Variants in ATM observed in about 807,000 individuals in gnomAD.
The protein encoded by ATM is serine-protein kinase ATM.
A neutral mutation model predicts 387.0 loss-of-function variants in ATM; 308 were observed. The ratio of observed to expected loss-of-function variants is 0.80; its 90% CI spans 0.73 to 0.87. ATM has a LOEUF of 0.87. Among genes scored for constraint, ATM ranks in the 40% least tolerant of loss-of-function variants. The pLI is 0.00. For missense variants in ATM, 3,312 were observed against 3,560.9 expected, an observed-to-expected ratio of 0.93 and a Z score of 1.78; for synonymous variants, 1,156 against 1,187.3, an observed-to-expected ratio of 0.97 and a Z score of 0.54.
intron 33 of ATM, among the ~76,000 whole-genome samples, chr11:108,298,538 G>C (rs2083243064): frequency 6.6e-6 from 1 of 152,154 alleles, no homozygotes; most frequent in Admixed American, 6.6e-5. Context: ...TTTATGGACA[G>C]ACCTGATTTA....
At chr11:108,362,106 AAAAC>A (rs1301303762) in intron 61 of ATM, among the ~76,000 whole-genome samples, 74 of 138,954 alleles carry the variant, frequency 5.3e-4, no homozygotes, top group African/African-American at 1.4e-3. Flanking sequence ...TTACAAGAAA[AAAAC>A]AAACAACCCC....
rs573738032 is a variant in ATM, at chr11:108,260,718, A to G, written c.2466+1643A>G. On this transcript the variant is annotated intron_variant, in intron 16 of 62. Transcript: ENST00000675843. ...GAAGACGGGTGATTTCTGCATTTCCATCTGAGGTACCGGGTTCATCTCACT... is the reference window on the plus strand; with the variant it reads ...GAAGACGGGTGATTTCTGCATTTCCGTCTGAGGTACCGGGTTCATCTCACT... 3.9e-5 allele frequency among the ~76,000 whole-genome samples: 6 copies of G among 152,240 alleles called. No individual in the cohort carries two copies. In the East Asian group the frequency reaches 9.7e-4, roughly 25 times the overall value.
rs936209033 is a variant in ATM at position 108,247,773 on chromosome 11, T to A, written c.1065+646T>A. ...ACCACGCCCAGCTAATTTTTGTTTT[T>A]TTAGTAGAGACTGGGTTTCACCATA... On this transcript the variant is annotated intron_variant, in intron 8 of 62. Coordinates refer to ENST00000675843, the MANE Select transcript of ATM (RefSeq NM_000051.4). Among the ~76,000 whole-genome samples, 7 of 152,040 alleles carry A rather than the reference T, an allele frequency of 4.6e-5. 1 individual carries two copies. The highest frequency in any genetic ancestry group is 1.7e-4 in the African/African-American group (7 of 41,356).
At chr11:108,277,001 A>G (rs2081983270) in intron 22 of ATM, among the ~76,000 whole-genome samples, 1 of 151,948 alleles carries the variant, frequency 6.6e-6, no homozygotes, top group Non-Finnish European at 1.5e-5. Context: ...TGTCAGGGAG[A>G]TGGGAATTTT....
intron 57 of ATM, among the ~76,000 whole-genome samples, chr11:108,345,378 TTC>T (rs765302464): frequency 9.2e-5 from 14 of 152,222 alleles, no homozygotes; most frequent in Non-Finnish European, 2.1e-4. Context: ...CTTCTGTTCT[TTC>T]TCTTTTCCTG....
At chr11:108,332,961 ATTAG>A in intron 53 of ATM, 61 bp downstream of exon 53, 1 of 1,564,442 alleles carries the variant, frequency 6.4e-7, no homozygotes, top group East Asian at 2.3e-5. Context: ...GTAGAGATAT[ATTAG>A]TTATAGAGCC....
chr11:108,284,148 C>A, intron 25 of ATM, 79 bp from the exon 26 acceptor site: 1 of 1,120,382 alleles, frequency 8.9e-7, no homozygotes, highest in Non-Finnish European at 1.3e-6. Context: ...GGTATTAAAA[C>A]AGTTTTTAAG....
chr11:108,362,700 CA>C (rs1314546833), intron 61 of ATM, among the ~76,000 whole-genome samples: 1 of 142,958 alleles, frequency 7.0e-6, no homozygotes, highest in Non-Finnish European at 1.5e-5. Context: ...ATCGCAAGAA[CA>C]AAAAACCAAA....
At chr11:108,343,973 A>G (rs917297895) in intron 57 of ATM, among the ~76,000 whole-genome samples, 4 of 152,178 alleles carry the variant, frequency 2.6e-5, no homozygotes, top group East Asian at 1.9e-4. Context: ...AGACTTCACA[A>G]ATATCAAATA....
chr11:108,274,174 T>TTC (rs1166109825), intron 22 of ATM, among the ~76,000 whole-genome samples: 3 of 152,226 alleles, frequency 2.0e-5, no homozygotes, highest in South Asian at 2.1e-4. Context: ...ATTTATAGTA[T>TTC]TCTCTGATGG....
At chr11:108,303,161 A>G (rs2135933257) in intron 36 of ATM, 132 bp downstream of exon 36, 2 of 966,300 alleles carry the variant, frequency 2.1e-6, no homozygotes, top group South Asian at 1.7e-5. Context: ...TAAAGTGAGC[A>G]TCCGTATTTA....
chr11:108,304,778 A>G lies in ATM; in HGVS notation c.5600A>G (p.Gln1867Arg), dbSNP rs1555107457. 3 of 1,613,944 alleles carry G rather than the reference A, an allele frequency of 1.9e-6. No homozygotes were observed. The highest frequency in any genetic ancestry group is 1.1e-5 in the South Asian group (1 of 91,090). ...SWRNLLSTHV[Q>R]GFFTSCLRHF... is the part of the protein sequence containing the mutation. The stretch of plus-strand genomic sequence containing the variant: ...AGAAATCTGCTTTCTACACATGTTC[A>G]GGGATTTTTCACCAGCTGTCTTCGA... Residue 1867 changes from glutamine (Q) to arginine (R), a missense_variant, in exon 37 of 63, where the codon CAG becomes CGG. By Grantham distance (43) the Gln-to-Arg change is conservative. This residue lies in a region of ATM where 1,405 missense variants were observed against 1,604.4 expected (regional missense o/e 0.88). Transcript: ENST00000675843.
chr11:108,238,174 G>A (rs1275719841), intron 5 of ATM, among the ~76,000 whole-genome samples: 1 of 152,060 alleles, frequency 6.6e-6, no homozygotes, highest in African/African-American at 2.4e-5. Context: ...TGATCCACCT[G>A]CCTCAGCCTC....
In ATM at chr11:108,272,895, T is replaced by A. The variant is rs754330960; in HGVS notation, c.3284+43T>A. The stretch of plus-strand genomic sequence containing the variant: ...CATGAAGTATTTGGAATGCTGCAGA[T>A]GGCAGTAGAATGTCTTACATAGTAA... On this transcript the variant is annotated intron_variant, in intron 22 of 62. Transcript: ENST00000675843. The A allele has an allele frequency of 5.6e-6, 9 of 1,612,732 alleles. No homozygotes were observed. The Admixed American group carries it at 1.5e-4, about 27-fold the overall frequency.
rs538706273 is a variant in ATM, at chr11:108,329,771, G to T, written c.7308-443G>T. Reference sequence around the variant, plus strand: ...ATGTAAGATATTGACGTGTTCTTTTGTGAATAATTCATGCTCTGCTTCTAA... The same window carrying T: ...ATGTAAGATATTGACGTGTTCTTTTTTGAATAATTCATGCTCTGCTTCTAA... On this transcript the variant is annotated intron_variant, in intron 49 of 62. Transcript: ENST00000675843. Among the ~76,000 whole-genome samples, 6 of 152,272 alleles carry T rather than the reference G, an allele frequency of 3.9e-5. No homozygotes were observed. In the East Asian group the frequency reaches 1.2e-3, roughly 29 times the overall value.
intron 38 of ATM, 40 bp from the exon 39 acceptor site, chr11:108,310,119 GT>G (rs2084016074): frequency 6.3e-7 from 1 of 1,590,092 alleles, no homozygotes; most frequent in African/African-American, 1.3e-5. Context: ...TGATATTGAA[GT>G]TTAAAAAAGT....
At chr11:108,324,578 G>C (rs956982764) in intron 45 of ATM, among the ~76,000 whole-genome samples, 2 of 152,088 alleles carry the variant, frequency 1.3e-5, no homozygotes, top group Admixed American at 6.5e-5. Context: ...AGGAATTGAA[G>C]TTTTGGTTCC....
chr11:108,272,236 G>T (rs1022442115), intron 20 of ATM, among the ~76,000 whole-genome samples: 2 of 152,118 alleles, frequency 1.3e-5, no homozygotes, highest in South Asian at 2.1e-4. Context: ...ACCAAACAAA[G>T]AAATTTCTTT....
At chr11:108,339,216 A>C (rs1474552425) in intron 56 of ATM, among the ~76,000 whole-genome samples, 1 of 152,222 alleles carries the variant, frequency 6.6e-6, no homozygotes, top group Non-Finnish European at 1.5e-5. Context: ...TACAAAGTAT[A>C]CTGAACAAGT....
Sources: gnomAD v4.1 joint callset for allele counts (sites outside exome capture counted in the v4.1 genomes callset) on GRCh38, gnomAD v4.1.1 for gene constraint, gnomAD v4.1.1 regional missense constraint, MANE v1.5 for transcripts, NCBI Gene and HGNC (gene_info 2026-07-23, HGNC 2026-07-21) for gene names.